Variants in TAF2 observed in about 807,000 individuals in gnomAD.
TAF2 encodes the protein TATA-box binding protein associated factor 2.
In TAF2, 61 loss-of-function variants were observed where a neutral mutation model predicts 138.5. That is an observed-to-expected ratio of 0.44 (90% confidence interval 0.36 to 0.54). The LOEUF (loss-of-function observed/expected upper bound fraction) is 0.54, where lower values mean the gene tolerates loss of function less well. TAF2 is among the 20% of genes least tolerant of loss of function. TAF2 has a pLI of 0.00. For missense variants in TAF2, 1,090 were observed against 1,427.9 expected (o/e 0.76, Z 3.81); for synonymous variants, 475 against 469.9 (o/e 1.01, Z -0.14).
intron 3 of TAF2, among the ~76,000 whole-genome samples, chr8:119,816,756 T>G (rs952875197): frequency 1.3e-5 from 2 of 152,210 alleles, no homozygotes; most frequent in African/African-American, 4.8e-5. Context: ...TGTCATGTCT[T>G]ATGAATCTTA....
chr8:119,733,631 T>C (rs898295543), intron 25 of TAF2, among the ~76,000 whole-genome samples: 1 of 152,198 alleles, frequency 6.6e-6, no homozygotes, highest in Non-Finnish European at 1.5e-5. Flanking sequence ...GGCCATACTC[T>C]GAGAAACAAA....
At chr8:119,801,306 C>T (rs910474392) in intron 6 of TAF2, among the ~76,000 whole-genome samples, 1 of 151,960 alleles carries the variant, frequency 6.6e-6, no homozygotes, top group Admixed American at 6.6e-5. Context: ...TTAAATACAA[C>T]ATTTTGAAAG....
At chr8:119,800,846 A>G (rs991841105) in intron 6 of TAF2, among the ~76,000 whole-genome samples, 1 of 152,210 alleles carries the variant, frequency 6.6e-6, no homozygotes, top group African/African-American at 2.4e-5. Context: ...TGGTCAAATT[A>G]TATGCTTATG....
At chr8:119,806,465 CTT>C (rs1824655873) in intron 3 of TAF2, 64 bp from the exon 4 acceptor site, 1 of 992,626 alleles carries the variant, frequency 1.0e-6, no homozygotes, top group African/African-American at 2.2e-5. Flanking sequence ...ATTTTTCTTT[CTT>C]TCTTTTTTTT....
Position 119,819,520 on chromosome 8 carries a change from G to A in TAF2, c.139-14C>T. On this transcript the variant is annotated splice_polypyrimidine_tract_variant and intron_variant, in intron 2 of 25. Transcript: ENST00000378164. ...TTCCACAAATCCCTGTAAAGATAGA[G>A]AATAACAACTTCATTATAAAGACTG... 1 of 1,593,400 alleles carries A rather than the reference G, an allele frequency of 6.3e-7. No individual in the cohort carries two copies. Among genetic ancestry groups the A allele is most frequent in the Non-Finnish European group, 8.5e-7 (1 of 1,170,062 alleles).
chr8:119,764,045 C>T lies in TAF2; in HGVS notation c.2365-1437G>A, dbSNP rs534745338. Among the ~76,000 whole-genome samples the T allele has an allele frequency of 8.2e-3, 986 of 120,080 alleles. 15 individuals carry two copies. Among genetic ancestry groups the T allele is most frequent in the African/African-American group, 0.031 (941 of 30,644 alleles). The allele number at this position is 120,080 out of a possible 152,430, so 78.8% of individuals were successfully genotyped here. ...ACGCCTATAATCCCAGTTACTTGGG[C>T]GGCTGAAGCAGAACTGCTTGAATCT... On this transcript the variant is annotated intron_variant, in intron 18 of 25. Coordinates refer to ENST00000378164, the MANE Select transcript of TAF2 (RefSeq NM_003184.4).
At position 119,806,445 on chromosome 8, in the gene TAF2, C is replaced by T. The variant is rs1210013217; in HGVS notation, c.300-44G>A. ...CAACTTTTAATAATAAGCCATGTAT[C>T]TTACCAAGCATTTTTCTTTCTTTCT... On this transcript the variant is annotated intron_variant, in intron 3 of 25. Coordinates refer to ENST00000378164, the MANE Select transcript of TAF2 (RefSeq NM_003184.4). The T allele has an allele frequency of 3.2e-6, 4 of 1,235,346 alleles. No individual in the cohort carries two copies. The African/African-American group carries it at 4.5e-5, about 14-fold the overall frequency. 76.5% of individuals were successfully genotyped at this position (1,235,346 alleles called of 1,614,324 possible). A position where few individuals can be genotyped will look rare whatever the true frequency, so the allele number is the denominator to read the frequency against.
chr8:119,819,248 G>C, intron 3 of TAF2, 98 bp downstream of exon 3: 2 of 1,290,360 alleles, frequency 1.5e-6, no homozygotes, highest in Non-Finnish European at 2.2e-6. Flanking sequence ...GCCCATTAAC[G>C]ATCCAAAAAA....
intron 20 of TAF2, among the ~76,000 whole-genome samples, chr8:119,760,055 T>C (rs1687582995): frequency 6.6e-6 from 1 of 152,170 alleles, no homozygotes; most frequent in African/African-American, 2.4e-5. Flanking sequence ...CTGTTGTTTC[T>C]TGGATTACAG....
intron 3 of TAF2, 115 bp from the exon 4 acceptor site, chr8:119,806,516 C>T (rs891672760): frequency 1.4e-4 from 113 of 802,580 alleles, no homozygotes; most frequent in Non-Finnish European, 2.0e-4. Context: ...GTTGCCCAGG[C>T]CAGAGGTCAG....
At chr8:119,768,382 C>A (rs1418683161) in intron 18 of TAF2, among the ~76,000 whole-genome samples, 1 of 152,216 alleles carries the variant, frequency 6.6e-6, no homozygotes, top group Non-Finnish European at 1.5e-5. Flanking sequence ...CCTTTACACA[C>A]TGCATTTTCA....
chr8:119,778,445 G>A (rs1439433535), intron 17 of TAF2, among the ~76,000 whole-genome samples: 1 of 152,208 alleles, frequency 6.6e-6, no homozygotes, highest in African/African-American at 2.4e-5. Flanking sequence ...ATGTGATACA[G>A]TGGAAAAGGC....
intron 25 of TAF2, among the ~76,000 whole-genome samples, chr8:119,735,369 G>A (rs923558812): frequency 1.3e-5 from 2 of 152,076 alleles, no homozygotes; most frequent in East Asian, 3.9e-4. Context: ...TTAAATGTCA[G>A]GTGAACTTAG....
intron 22 of TAF2, among the ~76,000 whole-genome samples, chr8:119,749,128 T>C (rs1820177248): frequency 6.6e-6 from 1 of 152,174 alleles, no homozygotes; most frequent in Non-Finnish European, 1.5e-5. Context: ...AAAAGACAAA[T>C]TGAGTATGTG....
At chr8:119,783,282 T>C in intron 16 of TAF2, 99 bp downstream of exon 16, 1 of 1,440,978 alleles carries the variant, frequency 6.9e-7, no homozygotes, top group South Asian at 1.4e-5. Context: ...AAGAATCAGC[T>C]ACCAAGTAAA....
Position 119,742,659 on chromosome 8 carries a change from A to C in TAF2, c.3215-3T>G. On this transcript the variant is annotated splice_polypyrimidine_tract_variant and splice_region_variant and intron_variant, in intron 24 of 25. Coordinates refer to ENST00000378164, the MANE Select transcript of TAF2 (RefSeq NM_003184.4). ...AGCTGGCCGATATTTCGAGAGCCCT[A>C]AAATGCCAAACAAGAGAAAAAAGAG... The C allele has an allele frequency of 6.2e-7, 1 of 1,613,860 alleles. No homozygotes were observed. Among genetic ancestry groups the C allele is most frequent in the Non-Finnish European group, 8.5e-7 (1 of 1,179,880 alleles).
chr8:119,806,528 G>C, intron 3 of TAF2, 127 bp from the exon 4 acceptor site: 1 of 710,832 alleles, frequency 1.4e-6, no homozygotes, highest in Non-Finnish European at 2.4e-6. Flanking sequence ...AGAGGTCAGT[G>C]GCACCATCTC....
chr8:119,759,928 C>T (rs1227072913), intron 20 of TAF2, among the ~76,000 whole-genome samples: 1 of 152,078 alleles, frequency 6.6e-6, no homozygotes, highest in East Asian at 1.9e-4. Flanking sequence ...TTTTGCCTTG[C>T]ACCATAATCT....
chr8:119,811,744 T>C (rs918889278), intron 3 of TAF2, among the ~76,000 whole-genome samples: 3 of 140,536 alleles, frequency 2.1e-5, no homozygotes, highest in African/African-American at 8.1e-5. Flanking sequence ...AGGCGGAGCT[T>C]GCAGTGAGCC....
Sources: gnomAD v4.1 joint callset for allele counts (sites outside exome capture counted in the v4.1 genomes callset) on GRCh38, gnomAD v4.1.1 for gene constraint, MANE v1.5 for transcripts, NCBI Gene and HGNC (gene_info 2026-07-23, HGNC 2026-07-21) for gene names.